The following FOXN3 variants were observed in gnomAD, a reference collection of about 807,000 sequenced individuals.
The protein encoded by FOXN3 is forkhead box protein N3.
Under a neutral mutation model 38.4 loss-of-function variants are expected in FOXN3, and 7 were observed. The ratio of observed to expected loss-of-function variants is 0.18; its 90% CI spans 0.10 to 0.34. The LOEUF is 0.34. Ranked by LOEUF, FOXN3 falls within the 10% of genes least tolerant of loss-of-function variation. FOXN3 has a pLI of 1.00. For synonymous variants in FOXN3, 230 were observed against 242.2 expected (o/e 0.95, Z 0.47); for missense variants, 456 against 613.4 (o/e 0.74, Z 2.71).
chr14:89,274,314 C>T (rs1886236697), intron 4 of FOXN3, among the ~76,000 whole-genome samples: 1 of 152,134 alleles, frequency 6.6e-6, no homozygotes, highest in African/African-American at 2.4e-5. Context: ...TGGGAAAATG[C>T]TCGTTTGGAG....
chr14:89,534,051 T>TC (rs375004074), intron 1 of FOXN3, among the ~76,000 whole-genome samples: 16 of 150,414 alleles, frequency 1.1e-4, no homozygotes, highest in African/African-American at 2.7e-4. Flanking sequence ...GAGATGTGCT[T>TC]CCCCCCCGCC....
chr14:89,541,295 C>G (rs1390498562), intron 1 of FOXN3, among the ~76,000 whole-genome samples: 1 of 152,146 alleles, frequency 6.6e-6, no homozygotes, highest in Non-Finnish European at 1.5e-5. Flanking sequence ...GGGCTGCATT[C>G]CCAGACGGTG....
intron 2 of FOXN3, among the ~76,000 whole-genome samples, chr14:89,396,707 C>T (rs1413006966): frequency 1.3e-5 from 2 of 152,038 alleles, no homozygotes; most frequent in African/African-American, 4.8e-5. Flanking sequence ...TGGCAGATGC[C>T]TGTAATCCCA....
intron 1 of FOXN3, among the ~76,000 whole-genome samples, chr14:89,553,323 C>T (rs1895047962): frequency 6.7e-6 from 1 of 149,820 alleles, no homozygotes; most frequent in South Asian, 2.1e-4. Context: ...AGCCAAGAAG[C>T]CACACAGTTC....
At chr14:89,309,186 G>A (rs1887461243) in intron 3 of FOXN3, among the ~76,000 whole-genome samples, 1 of 152,134 alleles carries the variant, frequency 6.6e-6, no homozygotes. Flanking sequence ...AATCTCTCCA[G>A]GGCCTCTCCT....
chr14:89,579,518 G>A (rs1895703532), intron 1 of FOXN3, among the ~76,000 whole-genome samples: 1 of 152,122 alleles, frequency 6.6e-6, no homozygotes, highest in Admixed American at 6.5e-5. Context: ...TCCTCTAGTA[G>A]TTTCCCAATA....
chr14:89,541,263 A>G (rs1256282890), intron 1 of FOXN3, among the ~76,000 whole-genome samples: 1 of 152,066 alleles, frequency 6.6e-6, no homozygotes, highest in Non-Finnish European at 1.5e-5. Context: ...GGAGCTGAGT[A>G]AAATAAGGCT....
chr14:89,232,540 C>T (rs971370529), intron 4 of FOXN3, among the ~76,000 whole-genome samples: 11 of 152,204 alleles, frequency 7.2e-5, no homozygotes, highest in Non-Finnish European at 1.2e-4. Context: ...TCCGTGCCTA[C>T]GCGGGCTGAA....
At chr14:89,308,797 G>C (rs1182586517) in intron 3 of FOXN3, among the ~76,000 whole-genome samples, 1 of 152,206 alleles carries the variant, frequency 6.6e-6, no homozygotes, top group Non-Finnish European at 1.5e-5. Context: ...AGCAGCTGTG[G>C]CCTGAGCAGA....
intron 1 of FOXN3, among the ~76,000 whole-genome samples, chr14:89,447,814 C>CT (rs3057950): frequency 0.011 from 1,044 of 92,724 alleles, 47 homozygotes; most frequent in African/African-American, 0.016. Flanking sequence ...GCCTTTCTTC[C>CT]TTTTTTTTTT....
chr14:89,212,333 T>A (rs901482754), intron 4 of FOXN3, among the ~76,000 whole-genome samples: 2 of 152,218 alleles, frequency 1.3e-5, no homozygotes, highest in African/African-American at 2.4e-5. Flanking sequence ...GCTACAGTCT[T>A]CATCTTCCAG....
intron 4 of FOXN3, among the ~76,000 whole-genome samples, chr14:89,251,932 GCATT>G (rs2139879626): frequency 6.6e-6 from 1 of 152,320 alleles, no homozygotes; most frequent in East Asian, 1.9e-4. Context: ...AAGGTTTAAA[GCATT>G]CAAAGACATT....
chr14:89,416,125 A>ACGCGCG (rs940270572), intron 1 of FOXN3, among the ~76,000 whole-genome samples: 1 of 152,000 alleles, frequency 6.6e-6, no homozygotes, highest in Admixed American at 6.6e-5. Context: ...CCCACCCAGC[A>ACGCGCG]CGCGCGCGCG....
intron 4 of FOXN3, among the ~76,000 whole-genome samples, chr14:89,240,180 A>G (rs1247447151): frequency 6.6e-6 from 1 of 152,220 alleles, no homozygotes; most frequent in Non-Finnish European, 1.5e-5. Flanking sequence ...GATGGGTCTC[A>G]GCAAACCTCC....
At chr14:89,438,155 T>C (rs1892308996) in intron 1 of FOXN3, among the ~76,000 whole-genome samples, 1 of 152,284 alleles carries the variant, frequency 6.6e-6, no homozygotes. Context: ...ATTTAGTTAA[T>C]GTTTATTGAG....
rs1485561483 is a variant in FOXN3 at position 89,353,426 on chromosome 14, A to C, written c.544-2618T>G. On this transcript the variant is annotated intron_variant, in intron 2 of 5. Transcript: ENST00000557258. ...GCGGTGGGAAGGGCCTCCAGCAAAC[A>C]GATGGGACGAGTGAAGATAAAATGA... The C allele has an allele frequency of 2.0e-5, 3 of 152,350 alleles. No individual in the cohort carries two copies. The East Asian group carries it at 5.8e-4, about 29-fold the overall frequency. The allele number at this position is 152,350 out of a possible 1,614,324, so 9.4% of individuals were successfully genotyped here.
At chr14:89,546,565 G>T (rs571351454) in intron 1 of FOXN3, among the ~76,000 whole-genome samples, 1 of 150,974 alleles carries the variant, frequency 6.6e-6, no homozygotes, top group Admixed American at 6.6e-5. Context: ...TCTTGACCTC[G>T]TGATCCACCC....
chr14:89,377,317 A>AAAT (rs1287968699), intron 2 of FOXN3, among the ~76,000 whole-genome samples: 1 of 147,668 alleles, frequency 6.8e-6, no homozygotes, highest in Admixed American at 6.6e-5. Context: ...GGTAAAAAAT[A>AAAT]AATAAATAAA....
chr14:89,499,692 G>T, intron 1 of FOXN3, among the ~76,000 whole-genome samples: 1 of 152,206 alleles, frequency 6.6e-6, no homozygotes, highest in East Asian at 1.9e-4. Context: ...TTAAAGACTC[G>T]TTTACGTGTA....
Sources: gnomAD v4.1 joint callset for allele counts (sites outside exome capture counted in the v4.1 genomes callset) on GRCh38, gnomAD v4.1.1 for gene constraint, MANE v1.5 for transcripts, NCBI Gene and HGNC (gene_info 2026-07-23, HGNC 2026-07-21) for gene names.